Variants in ABTB2 observed in about 807,000 individuals in gnomAD.
ABTB2 encodes ankyrin repeat and BTB domain containing 2.
Under a neutral mutation model 104.1 loss-of-function variants are expected in ABTB2, and 56 were observed. That is an observed-to-expected ratio of 0.54 (90% CI 0.43 to 0.67). The LOEUF is 0.67. Ranked by LOEUF, ABTB2 falls within the 30% of genes least tolerant of loss-of-function variation. ABTB2 has a pLI of 0.00. For missense variants in ABTB2, 1,279 were observed against 1,407.7 expected (o/e 0.91, Z 1.46); for synonymous variants, 606 against 608.2 (o/e 1.00, Z 0.05).
intron 1 of ABTB2, among the ~76,000 whole-genome samples, 195 bp from the exon 2 acceptor site, chr11:34,204,885 T>C (rs1225766278): frequency 2.0e-5 from 3 of 152,170 alleles, no homozygotes; most frequent in Non-Finnish European, 4.4e-5. Context: ...GAATGAGAAG[T>C]AGCTCACTCG....
intron 1 of ABTB2, among the ~76,000 whole-genome samples, chr11:34,242,230 CT>C (rs1163338028): frequency 1.3e-5 from 2 of 152,174 alleles, no homozygotes; most frequent in Non-Finnish European, 2.9e-5. Flanking sequence ...TGGGTCACCC[CT>C]GAGTCAGACC....
intron 1 of ABTB2, among the ~76,000 whole-genome samples, chr11:34,263,669 A>G (rs1854215220): frequency 6.6e-6 from 1 of 152,158 alleles, no homozygotes; most frequent in South Asian, 2.1e-4. Flanking sequence ...TTCCATTACC[A>G]GCCCAGGGAC....
chr11:34,163,586 G>A (rs1852753252), intron 9 of ABTB2, among the ~76,000 whole-genome samples: 1 of 152,194 alleles, frequency 6.6e-6, no homozygotes, highest in South Asian at 2.1e-4. Context: ...GATGCAGCAT[G>A]GGTGGTGCTG....
chr11:34,241,906 A>G (rs1853921205), intron 1 of ABTB2, among the ~76,000 whole-genome samples: 1 of 152,250 alleles, frequency 6.6e-6, no homozygotes, highest in African/African-American at 2.4e-5. Context: ...ACAGTCCCCA[A>G]GAGCTGCTGG....
intron 1 of ABTB2, among the ~76,000 whole-genome samples, chr11:34,205,095 G>A (rs897790463): frequency 2.6e-5 from 4 of 152,156 alleles, no homozygotes; most frequent in African/African-American, 9.7e-5. Flanking sequence ...GCCTGACTCA[G>A]CCCAGGTATT....
At chr11:34,199,536 TCAC>T (rs553062553) in intron 2 of ABTB2, among the ~76,000 whole-genome samples, 6 of 152,130 alleles carry the variant, frequency 3.9e-5, no homozygotes, top group Admixed American at 1.3e-4. Context: ...GGTTTGAAAA[TCAC>T]CAGGTGAACT....
intron 14 of ABTB2, among the ~76,000 whole-genome samples, chr11:34,155,427 A>T (rs1590200074): frequency 6.6e-6 from 1 of 152,272 alleles, no homozygotes; most frequent in South Asian, 2.1e-4. Context: ...GAGGTGGTCC[A>T]GGACCGGGAA....
chr11:34,277,582 C>G, intron 1 of ABTB2, among the ~76,000 whole-genome samples: 1 of 149,168 alleles, frequency 6.7e-6, no homozygotes, highest in East Asian at 2.1e-4. Flanking sequence ...TCAGGAGTTC[C>G]AGACCAGCCT....
chr11:34,218,756 G>A (rs895662171), intron 1 of ABTB2, among the ~76,000 whole-genome samples: 4 of 139,056 alleles, frequency 2.9e-5, no homozygotes, highest in Non-Finnish European at 6.0e-5. Context: ...GGAGGCAAGA[G>A]AATCACTTGA....
chr11:34,342,646 G>A (rs1855275099), intron 1 of ABTB2, among the ~76,000 whole-genome samples: 1 of 152,200 alleles, frequency 6.6e-6, no homozygotes, highest in African/African-American at 2.4e-5. Context: ...GGGGTCTGGT[G>A]CTTCGTAAAA....
chr11:34,203,480 A>G (rs1347508686), intron 2 of ABTB2, among the ~76,000 whole-genome samples: 1 of 152,158 alleles, frequency 6.6e-6, no homozygotes, highest in Non-Finnish European at 1.5e-5. Flanking sequence ...TCCAGGAGAC[A>G]CTTCTCAGGG....
chr11:34,163,914 G>A (rs896714288), intron 9 of ABTB2, among the ~76,000 whole-genome samples: 20 of 151,934 alleles, frequency 1.3e-4, no homozygotes, highest in African/African-American at 4.8e-4. Flanking sequence ...GGGGTGGAGC[G>A]GCCTAGAGGT....
chr11:34,340,965 C>G (rs957414995), intron 1 of ABTB2, among the ~76,000 whole-genome samples: 5 of 152,154 alleles, frequency 3.3e-5, no homozygotes, highest in Non-Finnish European at 1.5e-5. Context: ...CTAGGAATAT[C>G]AACAGTAGGA....
intron 1 of ABTB2, among the ~76,000 whole-genome samples, chr11:34,240,778 G>A (rs1853906557): frequency 2.1e-5 from 2 of 96,430 alleles, no homozygotes; most frequent in Admixed American, 1.8e-4. Context: ...GTTTTTAGTG[G>A]AGAGGGGGGT....
In ABTB2 at chr11:34,151,784, T is replaced by A. The variant is rs1590198550; in HGVS notation, c.*603A>T. Reference sequence around the variant, plus strand: ...CCAAAGACAATGGGGGAACTCCGGGTGGCAGCAGTCGTGGTGGCAGGGGGG... The same window carrying A: ...CCAAAGACAATGGGGGAACTCCGGGAGGCAGCAGTCGTGGTGGCAGGGGGG... On this transcript the variant is annotated 3_prime_UTR_variant, in exon 17 of 17. Transcript: ENST00000435224. 1 of 152,674 alleles carries A rather than the reference T, an allele frequency of 6.5e-6. No homozygotes were observed. Among genetic ancestry groups the A allele is most frequent in the Admixed American group, 6.5e-5 (1 of 15,292 alleles). 9.5% of individuals were successfully genotyped at this position (152,674 alleles called of 1,614,324 possible). A position where few individuals can be genotyped will look rare whatever the true frequency, so the allele number is the denominator to read the frequency against.
At position 34,357,517 on chromosome 11, in the gene ABTB2, C is replaced by A. The variant is rs1855483317; in HGVS notation, c.67G>T (p.Ala23Ser). The A allele has an allele frequency of 6.5e-7, 1 of 1,539,644 alleles. No homozygotes were observed. The highest frequency in any genetic ancestry group is 8.7e-7 in the Non-Finnish European group (1 of 1,146,630). The change falls in exon 1 of 17, where the codon GCC becomes TCC. Residue 23 changes from alanine (A) to serine (S), a missense_variant. By Grantham distance (99) the Ala-to-Ser change is moderately conservative. Coordinates refer to ENST00000435224, the MANE Select transcript of ABTB2 (RefSeq NM_145804.3). ...EDLTLDSGYG[A>S]GDSCRSLSLS... ...CTGAGCGAGCGGCACGAGTCCCCGGCCCCATACCCGGAGTCCAAGGTCAAG... is the reference window on the plus strand; with the variant it reads ...CTGAGCGAGCGGCACGAGTCCCCGGACCCATACCCGGAGTCCAAGGTCAAG...
intron 1 of ABTB2, among the ~76,000 whole-genome samples, chr11:34,342,809 A>G (rs998512054): frequency 5.3e-5 from 8 of 152,296 alleles, no homozygotes; most frequent in African/African-American, 1.9e-4. Context: ...GACCGTGAGC[A>G]AGCTACCAAA....
chr11:34,227,920 G>A (rs1590222900), intron 1 of ABTB2, among the ~76,000 whole-genome samples: 2 of 126,860 alleles, frequency 1.6e-5, no homozygotes, highest in Admixed American at 7.9e-5. Context: ...TTTTAAGTAG[G>A]GACAGGGTTT....
chr11:34,296,373 TAG>T (rs985704879), intron 1 of ABTB2, among the ~76,000 whole-genome samples: 5 of 152,014 alleles, frequency 3.3e-5, no homozygotes, highest in African/African-American at 1.2e-4. Context: ...AAGATCCTAC[TAG>T]AGTGTTAGGA....
Sources: gnomAD v4.1 joint callset for allele counts (sites outside exome capture counted in the v4.1 genomes callset) on GRCh38, gnomAD v4.1.1 for gene constraint, MANE v1.5 for transcripts, NCBI Gene and HGNC (gene_info 2026-07-23, HGNC 2026-07-21) for gene names.